The following RNF6 variants were observed in gnomAD, a reference collection of about 807,000 sequenced individuals.
RNF6 encodes ring finger protein 6.
Under a neutral mutation model 50.1 loss-of-function variants are expected in RNF6, and 21 were observed. The observed-to-expected ratio is 0.42, with a 90% CI of 0.30 to 0.60. The LOEUF (loss-of-function observed/expected upper bound fraction) is 0.60, where lower values mean the gene tolerates loss of function less well. RNF6 is among the 20% of genes least tolerant of loss of function. The pLI is 0.20. For synonymous variants in RNF6, 255 were observed against 291.8 expected (o/e 0.87, Z 1.29); for missense variants, 698 against 838.2 (o/e 0.83, Z 2.07).
intron 5 of RNF6, among the ~76,000 whole-genome samples, chr13:26,140,282 G>A (rs538020261): frequency 2.0e-5 from 3 of 152,216 alleles, no homozygotes; most frequent in Middle Eastern, 3.4e-3. Flanking sequence ...AGCAATGAAC[G>A]ATTCGTGAAT....
At chr13:26,162,992 C>T (rs1872279276) in intron 5 of RNF6, among the ~76,000 whole-genome samples, 1 of 152,220 alleles carries the variant, frequency 6.6e-6, no homozygotes, top group Admixed American at 6.5e-5. Context: ...AATGAAATCA[C>T]ACACTTATCT....
In RNF6 at chr13:26,215,644, A is replaced by G. The variant is rs779887506; in HGVS notation, c.290-52T>C. On this transcript the variant is annotated intron_variant, in intron 4 of 4. Transcript: ENST00000381588. ...GATCAATTCCTAAGACACACCTTAC[A>G]GCTTTATTGAAAACTTGTAAGAAAA... The G allele has an allele frequency of 3.5e-6, 5 of 1,429,426 alleles. No homozygotes were observed. In the South Asian group the frequency reaches 5.5e-5, roughly 16 times the overall value. The allele number at this position is 1,429,426 out of a possible 1,614,324, so 88.5% of individuals were successfully genotyped here.
intron 5 of RNF6, among the ~76,000 whole-genome samples, chr13:26,132,608 T>C (rs1272494031): frequency 2.6e-5 from 4 of 152,232 alleles, no homozygotes; most frequent in Non-Finnish European, 5.9e-5. Context: ...CACTTTAATA[T>C]AAACCTTGTT....
chr13:26,175,672 G>A (rs954401613), intron 5 of RNF6, among the ~76,000 whole-genome samples: 46 of 152,194 alleles, frequency 3.0e-4, no homozygotes, highest in African/African-American at 1.1e-3. Context: ...TGGGAGTGGG[G>A]GAAAACCAGG....
chr13:26,183,455 T>C (rs531459308), intron 5 of RNF6, among the ~76,000 whole-genome samples: 1 of 152,286 alleles, frequency 6.6e-6, no homozygotes, highest in South Asian at 2.1e-4. Context: ...CCTAGACACT[T>C]TGGGCATCTG....
intron 5 of RNF6, among the ~76,000 whole-genome samples, chr13:26,191,649 C>G (rs374777470): frequency 6.6e-6 from 1 of 152,200 alleles, no homozygotes; most frequent in African/African-American, 2.4e-5. Context: ...GTGAAGAAGG[C>G]GCTTGCTTCC....
intron 5 of RNF6, among the ~76,000 whole-genome samples, chr13:26,151,174 C>T (rs1354115935): frequency 6.6e-6 from 1 of 152,150 alleles, no homozygotes; most frequent in Non-Finnish European, 1.5e-5. Context: ...TTGTAGGATA[C>T]TTTTATTACA....
At chr13:26,161,529 A>G (rs1052606157) in intron 5 of RNF6, among the ~76,000 whole-genome samples, 3 of 152,204 alleles carry the variant, frequency 2.0e-5, no homozygotes, top group Non-Finnish European at 4.4e-5. Flanking sequence ...TGAAAATATT[A>G]CACATATTGC....
chr13:26,160,519 C>G (rs1872146405), intron 5 of RNF6, among the ~76,000 whole-genome samples: 1 of 93,970 alleles, frequency 1.1e-5, no homozygotes, highest in Admixed American at 1.4e-4. Flanking sequence ...CCACTGCATC[C>G]AGCCTATCTT....
chr13:26,132,886 G>A (rs1870465513), intron 5 of RNF6, among the ~76,000 whole-genome samples: 1 of 152,226 alleles, frequency 6.6e-6, no homozygotes, highest in African/African-American at 2.4e-5. Context: ...AGATTCCTGG[G>A]ATCCACCCAC....
chr13:26,182,542 C>T (rs181082608), intron 5 of RNF6, among the ~76,000 whole-genome samples: 10 of 152,130 alleles, frequency 6.6e-5, no homozygotes, highest in Admixed American at 2.0e-4. Flanking sequence ...GCTGGGCATG[C>T]GGGCTTATGC....
intron 5 of RNF6, among the ~76,000 whole-genome samples, chr13:26,172,874 T>C (rs1025720981): frequency 1.3e-5 from 2 of 151,956 alleles, no homozygotes; most frequent in African/African-American, 4.8e-5. Flanking sequence ...ATAATGTATA[T>C]AATGTGAAAA....
chr13:26,188,623 CTTTTTTTT>C (rs1163881143), intron 5 of RNF6, among the ~76,000 whole-genome samples: 18 of 43,272 alleles, frequency 4.2e-4, no homozygotes, highest in African/African-American at 8.7e-4. Context: ...GTCAAAAGAG[CTTTTTTTT>C]TTTTTTTTTT....
chr13:26,200,932 CA>C (rs1868874768), intron 5 of RNF6, among the ~76,000 whole-genome samples: 1 of 151,986 alleles, frequency 6.6e-6, no homozygotes, highest in African/African-American at 2.4e-5. Flanking sequence ...TGTTATTTTT[CA>C]AAAAATTAAA....
chr13:26,143,368 T>A (rs78105491), intron 5 of RNF6, among the ~76,000 whole-genome samples: 1 of 152,314 alleles, frequency 6.6e-6, no homozygotes, highest in East Asian at 1.9e-4. Context: ...AACTGTCTTA[T>A]TTGCCTGTTG....
chr13:26,153,047 C>G (rs377358039), intron 5 of RNF6, among the ~76,000 whole-genome samples: 1 of 151,442 alleles, frequency 6.6e-6, no homozygotes, highest in Non-Finnish European at 1.5e-5. Flanking sequence ...CGGCTACTTA[C>G]GAGGCTGAGG....
rs192560748 is a variant in RNF6, at chr13:26,217,017, T to G, written c.290-1425A>C. On this transcript the variant is annotated intron_variant, in intron 4 of 4. Transcript: ENST00000381588. ...ATGACATCATTCTGATTTCATTTCA[T>G]TCCTGCAATCTCTCTCGTAAGACTT... Among the ~76,000 whole-genome samples the G allele has an allele frequency of 2.2e-4, 34 of 152,356 alleles. 2 individuals carry two copies. The East Asian group carries it at 6.4e-3, about 29-fold the overall frequency.
chr13:26,150,268 C>T (rs1871523342), intron 5 of RNF6, among the ~76,000 whole-genome samples: 1 of 151,874 alleles, frequency 6.6e-6, no homozygotes, highest in East Asian at 1.9e-4. Flanking sequence ...TATTATAAAC[C>T]GATCGAAAGG....
At chr13:26,159,624 CA>C (rs35172799) in intron 5 of RNF6, among the ~76,000 whole-genome samples, 4,571 of 142,978 alleles carry the variant, frequency 0.032, 190 homozygotes, top group African/African-American at 0.095. Flanking sequence ...AACTCCATCT[CA>C]AAAAAAAAAA....
Sources: allele counts gnomAD v4.1 joint callset (sites outside exome capture counted in the v4.1 genomes callset), GRCh38; gene constraint gnomAD v4.1.1; transcripts MANE v1.5; gene names NCBI Gene and HGNC (gene_info 2026-07-23, HGNC 2026-07-21).